The following DCX variants were observed in gnomAD, a reference collection of about 807,000 sequenced individuals.
DCX encodes neuronal migration protein doublecortin.
A neutral mutation model predicts 20.9 loss-of-function variants in DCX; 4 were observed. The ratio of observed to expected loss-of-function variants is 0.19; its 90% CI spans 0.09 to 0.44. DCX has a LOEUF of 0.44. Among genes scored for constraint, DCX ranks in the 20% least tolerant of loss-of-function variants. The probability of loss-of-function intolerance (pLI) is 0.99; values close to 1 mark genes in which losing one functional copy is unlikely to be tolerated. For missense variants in DCX, 133 were observed against 296.9 expected, an observed-to-expected ratio of 0.45 and a Z score of 4.06; for synonymous variants, 103 against 111.4, an observed-to-expected ratio of 0.92 and a Z score of 0.47.
At chrX:111,368,569 G>A (rs1183241782) in intron 3 of DCX, among the ~76,000 whole-genome samples, 1 of 111,095 alleles carries the variant, frequency 9.0e-6, no homozygotes, top group Middle Eastern at 4.7e-3. Flanking sequence ...AATGTTGAAC[G>A]ACTTAATAAC....
rs192783680 is a variant in DCX, at chrX:111,301,952, A to T, written c.1045-209T>A. 3.1e-3 allele frequency among the ~76,000 whole-genome samples: 345 copies of T among 111,141 alleles called. 5 individuals carry two copies. The highest frequency in any genetic ancestry group is 0.031 in the Admixed American group (320 of 10,473). On this transcript the variant is annotated intron_variant, in intron 6 of 6. Coordinates refer to ENST00000636035, the MANE Select transcript of DCX (RefSeq NM_001195553.2). ...CCTAATGGTACCATCTTGCAGTTTA[A>T]CATGTGATCATTTGTGTGTGGGGTG...
chrX:111,345,130 A>G (rs1483784616), intron 3 of DCX, among the ~76,000 whole-genome samples: 3 of 112,078 alleles, frequency 2.7e-5, no homozygotes, highest in Non-Finnish European at 5.6e-5. Flanking sequence ...TGACAAAAAC[A>G]AACAATGGGG....
chrX:111,298,140 C>T lies in DCX; in HGVS notation c.*3547G>A, dbSNP rs1452952019. 8.9e-6 allele frequency: 1 copy of T among 111,845 alleles called. No individual in the cohort carries two copies. The highest frequency in any genetic ancestry group is 3.3e-5 in the African/African-American group (1 of 30,726). The allele number at this position is 111,845 out of a possible 1,213,427, so 9.2% of individuals were successfully genotyped here. A position where few individuals can be genotyped will look rare whatever the true frequency, so the allele number is the denominator to read the frequency against. On this transcript the variant is annotated 3_prime_UTR_variant, in exon 7 of 7. Transcript: ENST00000636035. ...TCTACTCTGGAAACAAGAAACATTTCCCTCAGCCTGGAAAGACCAACCATT... is the reference window on the plus strand; with the variant it reads ...TCTACTCTGGAAACAAGAAACATTTTCCTCAGCCTGGAAAGACCAACCATT...
In DCX at chrX:111,323,605, T is replaced by G. The variant is rs1040987042; in HGVS notation, c.946+7299A>C. On this transcript the variant is annotated intron_variant, in intron 5 of 6. Transcript: ENST00000636035. ...CTTAGGTGAAGCCTATTATTTCTGT[T>G]TTTTTTTTTTTTTTTTTTTTGCATT... Among the ~76,000 whole-genome samples, 348 of 85,446 alleles carry G rather than the reference T, an allele frequency of 4.1e-3. 3 individuals are homozygous for G. Among genetic ancestry groups the G allele is most frequent in the African/African-American group, 0.023 (337 of 14,498 alleles). 74.2% of individuals were successfully genotyped at this position (85,446 alleles called of 115,157 possible).
chrX:111,352,879 G>A (rs1022713784), intron 3 of DCX, among the ~76,000 whole-genome samples: 2 of 107,251 alleles, frequency 1.9e-5, no homozygotes, highest in Non-Finnish European at 3.8e-5. Flanking sequence ...GAGAGAGGAG[G>A]CAATGCCTTC....
In DCX at chrX:111,323,880, C is replaced by G. The variant is rs1318956177; in HGVS notation, c.946+7024G>C. ...ATTGCTAAGGAGTCTGCGAAATAATCGAGACATCAGGTCATAAGAGAAAGG... is the reference window on the plus strand; with the variant it reads ...ATTGCTAAGGAGTCTGCGAAATAATGGAGACATCAGGTCATAAGAGAAAGG... On this transcript the variant is annotated intron_variant, in intron 5 of 6. Transcript: ENST00000636035. Among the ~76,000 whole-genome samples the G allele has an allele frequency of 9.0e-5, 10 of 110,714 alleles. No individual in the cohort carries two copies. In the Admixed American group the frequency reaches 9.6e-4, roughly 11 times the overall value.
intron 6 of DCX, among the ~76,000 whole-genome samples, chrX:111,308,865 A>ATT (rs767884937): frequency 6.6e-4 from 68 of 102,875 alleles, no homozygotes; most frequent in African/African-American, 2.4e-3. Context: ...ACGTTTCTAG[A>ATT]TTTTTTTTTT....
chrX:111,400,883 A>C, intron 3 of DCX, 107 bp downstream of exon 3: 1 of 722,230 alleles, frequency 1.4e-6, no homozygotes, highest in Non-Finnish European at 2.1e-6. Context: ...GGTTGTGATG[A>C]TGAGATGTGG....
At chrX:111,308,413 T>C (rs2095050204) in intron 6 of DCX, among the ~76,000 whole-genome samples, 1 of 111,491 alleles carries the variant, frequency 9.0e-6, no homozygotes, top group Non-Finnish European at 1.9e-5. Context: ...TTTTGTTTCT[T>C]GCTAATTTTT....
At chrX:111,381,460 G>A (rs1925964157) in intron 3 of DCX, among the ~76,000 whole-genome samples, 1 of 110,560 alleles carries the variant, frequency 9.0e-6, no homozygotes, top group African/African-American at 3.3e-5. Context: ...AATGGTATGG[G>A]TGTAAGGCTT....
chrX:111,355,142 TA>T (rs1435964871), intron 3 of DCX, among the ~76,000 whole-genome samples: 4 of 112,762 alleles, frequency 3.5e-5, no homozygotes, highest in Middle Eastern at 4.6e-3. Context: ...GCTAGCCTTC[TA>T]AAAAGTTCAC....
Position 111,352,930 on chromosome X carries a change from A to T in DCX, c.706-19777T>A, listed in dbSNP as rs1923441020. 2.7e-5 allele frequency among the ~76,000 whole-genome samples: 3 copies of T among 110,327 alleles called. No homozygotes were observed. The Admixed American group carries it at 2.9e-4, about 11-fold the overall frequency. ...AGAAGACTTTTGTGTCAACTGGCTT[A>T]AGTAGAGGTAGAAAGATGTCCTACA... On this transcript the variant is annotated intron_variant, in intron 3 of 6. Transcript: ENST00000636035.
At chrX:111,363,190 C>A (rs1924348240) in intron 3 of DCX, among the ~76,000 whole-genome samples, 2 of 111,077 alleles carry the variant, frequency 1.8e-5, no homozygotes, top group African/African-American at 6.6e-5. Flanking sequence ...TAAACTCAGG[C>A]TAAGGGACAG....
At chrX:111,411,179 T>C (rs1368132234) in intron 1 of DCX, 14 of 416,594 alleles carry the variant, frequency 3.4e-5, no homozygotes, top group South Asian at 7.3e-5. Flanking sequence ...AAATAAGTTA[T>C]TTAACAAGTT....
chrX:111,303,268 T>C (rs754173452), intron 6 of DCX, among the ~76,000 whole-genome samples: 1 of 109,699 alleles, frequency 9.1e-6, no homozygotes, highest in Non-Finnish European at 1.9e-5. Flanking sequence ...TTTATACATG[T>C]TATCAGTAAG....
At position 111,410,128 on chromosome X, in the gene DCX, G is replaced by A; in HGVS notation, c.271C>T (p.Leu91=). 1 of 1,211,784 alleles carries A rather than the reference G, an allele frequency of 8.3e-7. No homozygotes were observed. The highest frequency in any genetic ancestry group is 1.1e-6 in the Non-Finnish European group (1 of 895,548). Residue 91 remains leucine (L), a synonymous_variant, in exon 2 of 7, where the codon CTG becomes TTG. Transcript: ENST00000636035. ...TGAGGCAGGTTGATGTTGTCAGACA[G>A]AGATCGCGTCAGGTCAGCCAGCAAG... ...DALLADLTRS[L]SDNINLPQGV...
At chrX:111,310,134 C>A (rs2095054146) in intron 6 of DCX, among the ~76,000 whole-genome samples, 1 of 111,924 alleles carries the variant, frequency 8.9e-6, no homozygotes, top group Non-Finnish European at 1.9e-5. Flanking sequence ...AAATCGAGAC[C>A]ATCCTGGCTA....
intron 3 of DCX, among the ~76,000 whole-genome samples, chrX:111,341,924 C>A (rs1374882196): frequency 9.1e-6 from 1 of 110,366 alleles, no homozygotes; most frequent in East Asian, 2.9e-4. Flanking sequence ...CAAAAACACA[C>A]CAAAATATAA....
At position 111,401,004 on chromosome X, in the gene DCX, G is replaced by A. The variant is rs770667594; in HGVS notation, c.691C>T (p.Leu231=). Residue 231 remains leucine, a synonymous_variant, in exon 3 of 7, where the codon CTG becomes TTG. Coordinates refer to ENST00000636035, the MANE Select transcript of DCX (RefSeq NM_001195553.2). ...AAAGTACCTACCTGTTTTCCATCCA[G>A]AGTGTAGAGTTTTTTGACAACCCCG... ...ETGVVKKLYT[L]DGKQVTCLHD... is the part of the protein sequence containing the mutation. 3 of 1,209,091 alleles carry A rather than the reference G, an allele frequency of 2.5e-6. No individual in the cohort carries two copies. The Admixed American group carries it at 6.6e-5, about 26-fold the overall frequency.
Sources: allele counts gnomAD v4.1 joint callset (sites outside exome capture counted in the v4.1 genomes callset), GRCh38; gene constraint gnomAD v4.1.1; transcripts MANE v1.5; gene names NCBI Gene and HGNC (gene_info 2026-07-23, HGNC 2026-07-21).